SLC37A1: variants seen among roughly 807,000 people sequenced by gnomAD.
The protein encoded by SLC37A1 is glucose-6-phosphate exchanger SLC37A1.
SLC37A1 carries 49 observed loss-of-function variants against 75.3 expected under a neutral mutation model. The ratio of observed to expected loss-of-function variants is 0.65; its 90% CI spans 0.52 to 0.83. The LOEUF is 0.83. SLC37A1 is among the 40% of genes least tolerant of loss of function. The pLI, the probability that SLC37A1 is intolerant of heterozygous loss-of-function variation, is 0.00. For missense variants in SLC37A1, 566 were observed against 695.0 expected, an observed-to-expected ratio of 0.81 and a Z score of 2.09; for synonymous variants, 268 against 292.1, an observed-to-expected ratio of 0.92 and a Z score of 0.84.
chr21:42,539,467 G>A (rs1397314148), intron 5 of SLC37A1, 45 bp from the exon 6 acceptor site: 2 of 1,574,822 alleles, frequency 1.3e-6, no homozygotes, highest in Admixed American at 3.6e-5. Context: ...CTAACATTCG[G>A]GCGTGTTTGT....
At chr21:42,539,719 G>T in intron 6 of SLC37A1, 72 bp downstream of exon 6, 5 of 1,458,292 alleles carry the variant, frequency 3.4e-6, no homozygotes, top group Non-Finnish European at 4.6e-6. Context: ...TTTATGTCAC[G>T]TCACCTCTGT....
At position 42,567,952 on chromosome 21, in the gene SLC37A1, C is replaced by A. The variant is rs535595602; in HGVS notation, c.1345-408C>A. Among the ~76,000 whole-genome samples the A allele has an allele frequency of 1.1e-4, 16 of 152,348 alleles. 1 individual carries two copies. The South Asian group carries it at 3.3e-3, about 32-fold the overall frequency. ...CTGCAGAGACATCTGACAGGGGTCC[C>A]AGGAAGGCCCTGGCTGTCGAGGAAT... is the stretch of plus-strand genomic sequence containing the variant. On this transcript the variant is annotated intron_variant, in intron 16 of 19. Coordinates refer to ENST00000352133, the MANE Select transcript of SLC37A1 (RefSeq NM_001320537.2).
intron 3 of SLC37A1, among the ~76,000 whole-genome samples, chr21:42,533,544 C>G (rs228052): frequency 0.79 from 119,984 of 151,910 alleles, 48,297 homozygotes; most frequent in African/African-American, 0.85. Flanking sequence ...CAAGGAATGC[C>G]CTGAGGAAGA....
chr21:42,512,207 C>G (rs776815387), upstream of SLC37A1, among the ~76,000 whole-genome samples: 7 of 122,170 alleles, frequency 5.7e-5, no homozygotes, highest in Non-Finnish European at 9.5e-5. Context: ...GTCAGTTATA[C>G]GTCAGTACAA....
At position 42,580,500 on chromosome 21, in the gene SLC37A1, G is replaced by A; in HGVS notation, c.*140G>A. The A allele has an allele frequency of 2.3e-6, 2 of 857,054 alleles. No individual in the cohort carries two copies. Among genetic ancestry groups the A allele is most frequent in the Non-Finnish European group, 3.6e-6 (2 of 557,202 alleles). The allele number at this position is 857,054 out of a possible 1,614,324, so 53.1% of individuals were successfully genotyped here. A position where few individuals can be genotyped will look rare whatever the true frequency, so the allele number is the denominator to read the frequency against. On this transcript the variant is annotated 3_prime_UTR_variant, in exon 20 of 20. Transcript: ENST00000352133. ...ACACGCACCTGGAAAAGACACAGAA[G>A]CCAACCTGAGAACCCCTGGTGCTAT...
intron 18 of SLC37A1, among the ~76,000 whole-genome samples, chr21:42,578,118 T>C (rs1454453756): frequency 6.6e-6 from 1 of 152,234 alleles, no homozygotes; most frequent in Non-Finnish European, 1.5e-5. Flanking sequence ...AGTCTGGAGC[T>C]GAGAACCTCC....
chr21:42,505,711 G>C (rs2054378516), intron 2 of SLC37A1, among the ~76,000 whole-genome samples: 1 of 152,142 alleles, frequency 6.6e-6, no homozygotes, highest in Non-Finnish European at 1.5e-5. Context: ...GAAAATTACA[G>C]TATCCAAAAC....
At chr21:42,549,112 A>G (rs1049724460) in intron 9 of SLC37A1, among the ~76,000 whole-genome samples, 3 of 152,214 alleles carry the variant, frequency 2.0e-5, no homozygotes, top group African/African-American at 7.2e-5. Flanking sequence ...AAGCTTGTAC[A>G]GTCGTGCCGT....
intron 2 of SLC37A1, among the ~76,000 whole-genome samples, chr21:42,521,356 T>G (rs1428511701): frequency 3.3e-5 from 5 of 152,036 alleles, no homozygotes. Flanking sequence ...AAAAAAGGAT[T>G]TTGGGAGGGC....
intron 8 of SLC37A1, among the ~76,000 whole-genome samples, 154 bp downstream of exon 8, chr21:42,543,756 G>A (rs1013842793): frequency 5.9e-5 from 9 of 152,196 alleles, no homozygotes; most frequent in African/African-American, 1.9e-4. Context: ...AGACTTCCCC[G>A]GGGAGCCGGT....
chr21:42,541,580 TC>T (rs1248529294), intron 6 of SLC37A1, among the ~76,000 whole-genome samples: 1 of 152,234 alleles, frequency 6.6e-6, no homozygotes, highest in African/African-American at 2.4e-5. Flanking sequence ...AGATACTTTG[TC>T]CAGGCGCGAA....
chr21:42,507,143 A>C (rs982083542), intron 2 of SLC37A1, among the ~76,000 whole-genome samples: 1 of 152,216 alleles, frequency 6.6e-6, no homozygotes, highest in Non-Finnish European at 1.5e-5. Flanking sequence ...TTGGCCTCCG[A>C]AAGTGCTGGG....
rs1161313598 is a variant in SLC37A1, at chr21:42,530,654, A to ACACACCCC, written c.139-4043_139-4042insACACCCCC. ...CACACACACACACACACACACACAC[A>ACACACCCC]CCCCCTCTGTGTTGGCTGAAGGTGG... is the stretch of plus-strand genomic sequence containing the variant. On this transcript the variant is annotated intron_variant, in intron 3 of 19. Transcript: ENST00000352133. Among the ~76,000 whole-genome samples, 321 of 35,864 alleles carry ACACACCCC rather than the reference A, an allele frequency of 9.0e-3. 20 individuals carry two copies. The highest frequency in any genetic ancestry group is 0.012 in the Non-Finnish European group (227 of 19,092). 23.5% of individuals were successfully genotyped at this position (35,864 alleles called of 152,430 possible). A position where few individuals can be genotyped will look rare whatever the true frequency, so the allele number is the denominator to read the frequency against.
intron 14 of SLC37A1, 89 bp downstream of exon 14, chr21:42,564,882 G>C: frequency 7.9e-7 from 1 of 1,266,478 alleles, no homozygotes; most frequent in Non-Finnish European, 1.1e-6. Flanking sequence ...CATCTGGCCC[G>C]TGCTCCACTT....
chr21:42,555,976 C>G (rs2055680982), intron 10 of SLC37A1, among the ~76,000 whole-genome samples: 1 of 152,192 alleles, frequency 6.6e-6, no homozygotes, highest in Non-Finnish European at 1.5e-5. Context: ...CTGGATGTCC[C>G]CTTTCCCAGA....
intron 5 of SLC37A1, 73 bp downstream of exon 5, chr21:42,535,623 C>A: frequency 7.4e-7 from 1 of 1,350,354 alleles, no homozygotes; most frequent in South Asian, 1.2e-5. Flanking sequence ...ATCCGCTATG[C>A]TGAAGTGCAC....
intron 9 of SLC37A1, among the ~76,000 whole-genome samples, chr21:42,550,369 C>A (rs2055526937): frequency 6.6e-6 from 1 of 152,182 alleles, no homozygotes; most frequent in African/African-American, 2.4e-5. Context: ...TGGAAAAATT[C>A]ATAGAAGGAC....
At chr21:42,551,153 A>G (rs2055547315) in intron 9 of SLC37A1, among the ~76,000 whole-genome samples, 1 of 152,254 alleles carries the variant, frequency 6.6e-6, no homozygotes, top group Non-Finnish European at 1.5e-5. Context: ...GATCTTTTAT[A>G]CAGAAAATCA....
intron 18 of SLC37A1, chr21:42,575,866 G>A (rs2056296988): frequency 2.0e-6 from 2 of 985,316 alleles, no homozygotes; most frequent in African/African-American, 1.7e-5. Context: ...TGGATCATCT[G>A]TGGGTTCTTT....
Sources: gnomAD v4.1 joint callset for allele counts (sites outside exome capture counted in the v4.1 genomes callset) on GRCh38, gnomAD v4.1.1 for gene constraint, MANE v1.5 for transcripts, NCBI Gene and HGNC (gene_info 2026-07-23, HGNC 2026-07-21) for gene names.